VIPAS39: variants seen among roughly 807,000 people sequenced by gnomAD.
VIPAS39 encodes the protein VPS33B interacting protein, apical-basolateral polarity regulator, spe-39 homolog.
In VIPAS39, 63 loss-of-function variants were observed where a neutral mutation model predicts 84.7. The observed-to-expected ratio is 0.74, with a 90% CI of 0.61 to 0.92. VIPAS39 has a LOEUF of 0.92. Ranked by LOEUF, VIPAS39 falls within the 40% of genes least tolerant of loss-of-function variation. The pLI is 0.00. For missense variants in VIPAS39, 499 were observed against 604.5 expected (o/e 0.83, Z 1.83); for synonymous variants, 192 against 216.5 (o/e 0.89, Z 0.99).
intron 17 of VIPAS39, 91 bp downstream of exon 17, chr14:77,429,590 G>A: frequency 1.5e-6 from 2 of 1,305,978 alleles, no homozygotes; most frequent in South Asian, 2.4e-5. Flanking sequence ...GAAAACAAGA[G>A]CAGATCGGGT....
At chr14:77,441,304 A>C in intron 10 of VIPAS39, 1 of 543,410 alleles carries the variant, frequency 1.8e-6, no homozygotes, top group Non-Finnish European at 3.3e-6. Flanking sequence ...GGAACTAATA[A>C]CTTTGTTAAC....
intron 11 of VIPAS39, among the ~76,000 whole-genome samples, chr14:77,438,184 T>G (rs1367580945): frequency 6.6e-6 from 1 of 152,136 alleles, no homozygotes; most frequent in Non-Finnish European, 1.5e-5. Flanking sequence ...AACAGCTACA[T>G]GTGACTAGGA....
intron 13 of VIPAS39, 49 bp downstream of exon 13, chr14:77,435,795 C>T: frequency 6.3e-7 from 1 of 1,589,342 alleles, no homozygotes; most frequent in South Asian, 1.1e-5. Context: ...TGCTGAACGG[C>T]ACTGAGCCTT....
At chr14:77,447,605 A>T (rs533803541) in intron 7 of VIPAS39, among the ~76,000 whole-genome samples, 1 of 152,320 alleles carries the variant, frequency 6.6e-6, no homozygotes, top group Non-Finnish European at 1.5e-5. Flanking sequence ...ACATCACACC[A>T]TATGCAAAAA....
At chr14:77,442,364 A>G (rs1360362864) in intron 10 of VIPAS39, among the ~76,000 whole-genome samples, 196 bp downstream of exon 10, 3 of 152,202 alleles carry the variant, frequency 2.0e-5, no homozygotes, top group Admixed American at 1.3e-4. Context: ...ATGTGACTCC[A>G]AAGCCTGGTT....
At chr14:77,441,211 C>T in intron 10 of VIPAS39, 118 bp from the exon 11 acceptor site, 2 of 1,113,948 alleles carry the variant, frequency 1.8e-6, no homozygotes, top group East Asian at 2.6e-5. Flanking sequence ...TCCCTCTATA[C>T]ACAAGATAAA....
At chr14:77,431,951 C>T (rs951510884) in intron 16 of VIPAS39, among the ~76,000 whole-genome samples, 1 of 152,102 alleles carries the variant, frequency 6.6e-6, no homozygotes, top group Non-Finnish European at 1.5e-5. Flanking sequence ...ACTTAAGTGT[C>T]CATTGACAAA....
At chr14:77,451,053 C>T (rs2078873078) in intron 4 of VIPAS39, 134 bp downstream of exon 4, 3 of 1,339,824 alleles carry the variant, frequency 2.2e-6, no homozygotes, top group Non-Finnish European at 3.2e-6. Context: ...GCTCCTAACA[C>T]CCAGCTGCCA....
rs914058462 is a variant in VIPAS39 at position 77,453,234 on chromosome 14, G to A, written c.196+65C>T. The A allele has an allele frequency of 1.1e-5, 17 of 1,491,022 alleles. No homozygotes were observed. The African/African-American group carries it at 1.5e-4, about 13-fold the overall frequency. The allele number at this position is 1,491,022 out of a possible 1,614,324, so 92.4% of individuals were successfully genotyped here. ...TAACTAGCATTGAAGAAACAAACAA[G>A]TAGAGCCTTTATCAGTGATAAGAAT... On this transcript the variant is annotated intron_variant, in intron 3 of 19. Transcript: ENST00000557658.
chr14:77,448,408 G>C, intron 7 of VIPAS39, 86 bp downstream of exon 7: 1 of 1,275,902 alleles, frequency 7.8e-7, no homozygotes, highest in Non-Finnish European at 1.1e-6. Context: ...GAACAAATGA[G>C]AACTGAAGAG....
chr14:77,457,447 G>C, intron 1 of VIPAS39, 48 bp downstream of exon 1: 3 of 1,512,818 alleles, frequency 2.0e-6, no homozygotes, highest in Non-Finnish European at 2.7e-6. Context: ...ATGCGGAGAG[G>C]CTGGATCCAG....
chr14:77,453,287 T>A lies in VIPAS39; in HGVS notation c.196+12A>T, dbSNP rs780421857. ...TCAACATCTATCCCTGCCTAGGGACTCTTCTACTTACTTCCCACAGGTTCC... is the reference window on the plus strand; with the variant it reads ...TCAACATCTATCCCTGCCTAGGGACACTTCTACTTACTTCCCACAGGTTCC... On this transcript the variant is annotated intron_variant, in intron 3 of 19. Coordinates refer to ENST00000557658, the MANE Select transcript of VIPAS39 (RefSeq NM_001193315.2). 1 of 1,613,246 alleles carries A rather than the reference T, an allele frequency of 6.2e-7. No individual in the cohort carries two copies. The highest frequency in any genetic ancestry group is 1.1e-5 in the South Asian group (1 of 91,070).
At chr14:77,456,805 T>C (rs1162634891) in intron 1 of VIPAS39, among the ~76,000 whole-genome samples, 2 of 152,212 alleles carry the variant, frequency 1.3e-5, no homozygotes, top group African/African-American at 4.8e-5. Context: ...AATTTGTATT[T>C]ATAACGCCAA....
chr14:77,427,343 T>A lies in VIPAS39; in HGVS notation c.*273A>T, dbSNP rs2078445675. The A allele has an allele frequency of 1.9e-6, 1 of 524,656 alleles. No homozygotes were observed. Among genetic ancestry groups the A allele is most frequent in the Admixed American group, 3.2e-5 (1 of 31,074 alleles). The allele number at this position is 524,656 out of a possible 1,614,324, so 32.5% of individuals were successfully genotyped here. ...TCAGACCAAGTGAGATCTTACCCAG[T>A]AGGGGCCCAATCTAGAAATCACTCC... is the stretch of plus-strand genomic sequence containing the variant. On this transcript the variant is annotated 3_prime_UTR_variant, in exon 20 of 20. Coordinates refer to ENST00000557658, the MANE Select transcript of VIPAS39 (RefSeq NM_001193315.2).
chr14:77,438,226 AT>A (rs34877078), intron 11 of VIPAS39, among the ~76,000 whole-genome samples: 56,577 of 131,856 alleles, frequency 0.43, 12,103 homozygotes, highest in East Asian at 0.84. Context: ...AATATGGAAA[AT>A]TTTTTTTTTT....
chr14:77,439,778 A>G (rs1431504099), intron 11 of VIPAS39, among the ~76,000 whole-genome samples: 2 of 151,986 alleles, frequency 1.3e-5, no homozygotes, highest in Non-Finnish European at 1.5e-5. Context: ...AAAAAAAACC[A>G]TGTTTCTGAA....
At chr14:77,436,327 A>AT (rs1470699932) in intron 12 of VIPAS39, among the ~76,000 whole-genome samples, 1 of 152,158 alleles carries the variant, frequency 6.6e-6, no homozygotes, top group Non-Finnish European at 1.5e-5. Context: ...TTTGTTAGCC[A>AT]TTTTTTTATG....
intron 11 of VIPAS39, among the ~76,000 whole-genome samples, chr14:77,438,227 T>TA (rs2078646117): frequency 4.1e-5 from 1 of 24,242 alleles, no homozygotes; most frequent in Admixed American, 1.6e-3. Flanking sequence ...ATATGGAAAA[T>TA]TTTTTTTTTT....
intron 11 of VIPAS39, among the ~76,000 whole-genome samples, chr14:77,438,199 C>A (rs1000401351): frequency 2.6e-5 from 4 of 151,548 alleles, no homozygotes; most frequent in African/African-American, 7.3e-5. Flanking sequence ...CTAGGAGCTA[C>A]TATATTGGAC....
Sources: gnomAD v4.1 joint callset for allele counts (sites outside exome capture counted in the v4.1 genomes callset) on GRCh38, gnomAD v4.1.1 for gene constraint, MANE v1.5 for transcripts, NCBI Gene and HGNC (gene_info 2026-07-23, HGNC 2026-07-21) for gene names.